The following EMP1 variants were observed in gnomAD, a reference collection of about 807,000 sequenced individuals.
The protein encoded by EMP1 is epithelial membrane protein 1.
Under a neutral mutation model 15.7 loss-of-function variants are expected in EMP1, and 5 were observed. The ratio of observed to expected loss-of-function variants is 0.32; its 90% CI spans 0.17 to 0.67. The LOEUF (loss-of-function observed/expected upper bound fraction) is 0.67, where lower values mean the gene tolerates loss of function less well. EMP1 is among the 30% of genes least tolerant of loss of function. The probability of loss-of-function intolerance (pLI) is 0.74; values close to 1 mark genes in which losing one functional copy is unlikely to be tolerated. For synonymous variants in EMP1, 78 were observed against 76.7 expected (o/e 1.02, Z -0.09); for missense variants, 166 against 194.2 (o/e 0.85, Z 0.86).
In EMP1 at chr12:13,218,980, A is replaced by G. The variant is rs1266198498; in HGVS notation, c.*4289A>G. On this transcript the variant is annotated 3_prime_UTR_variant, in exon 5 of 5. Transcript: ENST00000256951. ...ATGACCCTATCTCATGCCATGAGCA[A>G]TTGTCTGGCATCTCCTGTGGGTTGG... 6.6e-6 allele frequency: 1 copy of G among 152,190 alleles called. No individual in the cohort carries two copies. Among genetic ancestry groups the G allele is most frequent in the African/African-American group, 2.4e-5 (1 of 41,426 alleles). The allele number at this position is 152,190 out of a possible 1,614,324, so 9.4% of individuals were successfully genotyped here. A position where few individuals can be genotyped will look rare whatever the true frequency, so the allele number is the denominator to read the frequency against.
At chr12:13,198,794 T>C (rs1213809358) in intron 1 of EMP1, among the ~76,000 whole-genome samples, 1 of 152,254 alleles carries the variant, frequency 6.6e-6, no homozygotes, top group Non-Finnish European at 1.5e-5. Flanking sequence ...ATATGCTACA[T>C]GTTACTTCCT....
Position 13,211,912 on chromosome 12 carries a change from T to C in EMP1, c.78+324T>C. 1 of 323,356 alleles carries C rather than the reference T, an allele frequency of 3.1e-6. No individual in the cohort carries two copies. Among genetic ancestry groups the C allele is most frequent in the South Asian group, 3.9e-5 (1 of 25,820 alleles). The allele number at this position is 323,356 out of a possible 1,614,324, so 20.0% of individuals were successfully genotyped here. A position where few individuals can be genotyped will look rare whatever the true frequency, so the allele number is the denominator to read the frequency against. On this transcript the variant is annotated intron_variant, in intron 2 of 4. Coordinates refer to ENST00000256951, the MANE Select transcript of EMP1 (RefSeq NM_001423.3). The surrounding 1 kb of genome is among the most constrained non-coding windows in gnomAD (Gnocchi z 4.7). ...TGAACCTGGAGGAGTGGTAGATGGC[T>C]GAGGTTTCTCTTAGTGAAAGAGGGA... is the stretch of plus-strand genomic sequence containing the variant.
Position 13,200,966 on chromosome 12 carries a change from C to T in EMP1, c.-43+4094C>T, listed in dbSNP as rs551988635. On this transcript the variant is annotated intron_variant, in intron 1 of 4. Transcript: ENST00000256951. ...GAGCCCTTTCAGCACAGGTTGAAAG[C>T]GTGGCAAGAATCCTGGAGCAGATGT... 3.9e-5 allele frequency among the ~76,000 whole-genome samples: 6 copies of T among 152,280 alleles called. No individual in the cohort carries two copies. In the South Asian group the frequency reaches 1.2e-3, roughly 32 times the overall value.
Position 13,218,751 on chromosome 12 carries a change from A to G in EMP1, c.*4060A>G, listed in dbSNP as rs912937856. The stretch of plus-strand genomic sequence containing the variant: ...CATCAAGACCTATAATTGATAAACA[A>G]CTAGGGGCTGGGTGCTGCACCTACA... On this transcript the variant is annotated 3_prime_UTR_variant, in exon 5 of 5. Transcript: ENST00000256951. 2 of 152,348 alleles carry G rather than the reference A, an allele frequency of 1.3e-5. No individual in the cohort carries two copies. The highest frequency in any genetic ancestry group is 2.4e-5 in the African/African-American group (1 of 41,548). 9.4% of individuals were successfully genotyped at this position (152,348 alleles called of 1,614,324 possible). A position where few individuals can be genotyped will look rare whatever the true frequency, so the allele number is the denominator to read the frequency against.
rs1051336608 is a variant in EMP1, at chr12:13,217,903, C to T, written c.*3212C>T. The T allele has an allele frequency of 6.6e-6, 1 of 152,110 alleles. No individual in the cohort carries two copies. Among genetic ancestry groups the T allele is most frequent in the Admixed American group, 6.6e-5 (1 of 15,266 alleles). 9.4% of individuals were successfully genotyped at this position (152,110 alleles called of 1,614,324 possible). ...AAGCCCAAAGTCTGCAAGGGGTGGG[C>T]CAGCAGAGAGCTGGTGCTACAGTGC... is the stretch of plus-strand genomic sequence containing the variant. On this transcript the variant is annotated 3_prime_UTR_variant, in exon 5 of 5. Transcript: ENST00000256951.
chr12:13,203,644 G>C (rs2121147998), intron 1 of EMP1, among the ~76,000 whole-genome samples: 1 of 152,376 alleles, frequency 6.6e-6, no homozygotes, highest in East Asian at 1.9e-4. Context: ...ACCAGGAACT[G>C]TGTGGCCCCC....
In EMP1 at chr12:13,217,202, AC is replaced by A. The variant is rs1272307521; in HGVS notation, c.*2513del. ...CCATTCATTACATAAACCAGGGCAT[AC>A]CTGTGTGGGCTCTGTGAGTGAAGGG... On this transcript the variant is annotated 3_prime_UTR_variant, in exon 5 of 5. Transcript: ENST00000256951. 1.3e-5 allele frequency: 2 copies of A among 152,220 alleles called. No individual in the cohort carries two copies. The highest frequency in any genetic ancestry group is 2.9e-5 in the Non-Finnish European group (2 of 68,050). 9.4% of individuals were successfully genotyped at this position (152,220 alleles called of 1,614,324 possible).
chr12:13,201,752 G>A (rs945146984), intron 1 of EMP1, among the ~76,000 whole-genome samples: 3 of 152,182 alleles, frequency 2.0e-5, no homozygotes, highest in African/African-American at 7.2e-5. Flanking sequence ...GTAATTAAAC[G>A]TAAAGGGTGC....
chr12:13,213,850 T>G (rs1358005444), intron 4 of EMP1, 29 bp downstream of exon 4: 1 of 1,611,910 alleles, frequency 6.2e-7, no homozygotes. Context: ...GACTCCAGTT[T>G]ACACTTTTAA....
chr12:13,208,768 AAG>A (rs1864136438), intron 1 of EMP1, among the ~76,000 whole-genome samples: 1 of 152,182 alleles, frequency 6.6e-6, no homozygotes, highest in Non-Finnish European at 1.5e-5. Context: ...TCTAAGATGA[AAG>A]AGAGTCGCTC....
At chr12:13,199,346 T>C (rs7303276) in intron 1 of EMP1, 128,705 of 152,294 alleles carry the variant, frequency 0.85, 55,095 homozygotes, top group East Asian at 1. Context: ...CCCGGGAATG[T>C]AGACCCTCTT....
chr12:13,206,343 G>A (rs954742920), intron 1 of EMP1, among the ~76,000 whole-genome samples: 1 of 152,162 alleles, frequency 6.6e-6, no homozygotes, highest in South Asian at 2.1e-4. Flanking sequence ...TTGTAGAGAA[G>A]GTCTCCATGA....
chr12:13,206,953 G>A (rs1407047802), intron 1 of EMP1, among the ~76,000 whole-genome samples: 2 of 151,552 alleles, frequency 1.3e-5, no homozygotes, highest in Non-Finnish European at 2.9e-5. Flanking sequence ...GTGTGTGTGT[G>A]TGTGTGTGTG....
chr12:13,215,090 A>G lies in EMP1; in HGVS notation c.*399A>G, dbSNP rs117660498. On this transcript the variant is annotated 3_prime_UTR_variant, in exon 5 of 5. Coordinates refer to ENST00000256951, the MANE Select transcript of EMP1 (RefSeq NM_001423.3). ...TAGCGGTACAAGTTCTGGCAAGAGC[A>G]GATACTGTCTTTGTGCTGAATACGC... 0.017 allele frequency: 3,307 copies of G among 197,744 alleles called. 52 individuals carry two copies. Among genetic ancestry groups the G allele is most frequent in the Non-Finnish European group, 0.023 (2,152 of 95,034 alleles). The allele number at this position is 197,744 out of a possible 1,614,324, so 12.2% of individuals were successfully genotyped here.
At chr12:13,202,289 A>T (rs1248219083) in intron 1 of EMP1, among the ~76,000 whole-genome samples, 2 of 152,156 alleles carry the variant, frequency 1.3e-5, no homozygotes, top group African/African-American at 2.4e-5. Context: ...AGGATGGTTG[A>T]CACCTCTTTG....
intron 1 of EMP1, among the ~76,000 whole-genome samples, chr12:13,199,008 G>A (rs1591704601): frequency 7.0e-6 from 1 of 143,040 alleles, no homozygotes; most frequent in South Asian, 2.3e-4. Flanking sequence ...CCCAGACTCC[G>A]AAGAATGGGG....
Position 13,216,294 on chromosome 12 carries a change from T to C in EMP1, c.*1603T>C. On this transcript the variant is annotated 3_prime_UTR_variant, in exon 5 of 5. Transcript: ENST00000256951. ...TTTTATACCTTTCCTTTTTGGGGAG[T>C]TGTTATGCCATGATTTTTGGTATTT... 1 of 680,006 alleles carries C rather than the reference T, an allele frequency of 1.5e-6. No individual in the cohort carries two copies. The highest frequency in any genetic ancestry group is 1.6e-5 in the South Asian group (1 of 63,320). The allele number at this position is 680,006 out of a possible 1,614,324, so 42.1% of individuals were successfully genotyped here.
chr12:13,209,035 T>A (rs1209779936), intron 1 of EMP1: 2 of 152,190 alleles, frequency 1.3e-5, no homozygotes. Context: ...AGGGAGGGAA[T>A]GTTTTCTGTG....
At chr12:13,198,455 C>A (rs924326231) in intron 1 of EMP1, among the ~76,000 whole-genome samples, 1 of 152,124 alleles carries the variant, frequency 6.6e-6, no homozygotes, top group Non-Finnish European at 1.5e-5. Context: ...TGTAATCAAC[C>A]CTGTGTTGAG....
Sources: allele counts gnomAD v4.1 joint callset (sites outside exome capture counted in the v4.1 genomes callset), GRCh38; gene constraint gnomAD v4.1.1; non-coding constraint Gnocchi (gnomAD v3.1); transcripts MANE v1.5; gene names NCBI Gene and HGNC (gene_info 2026-07-23, HGNC 2026-07-21).